The following DNM1L variants were observed in gnomAD, a reference collection of about 807,000 sequenced individuals.
The protein encoded by DNM1L is dynamin-1-like protein.
Under a neutral mutation model 92.8 loss-of-function variants are expected in DNM1L, and 33 were observed. The observed-to-expected ratio is 0.36, with a 90% CI of 0.27 to 0.48. DNM1L has a LOEUF of 0.48. DNM1L is among the 20% of genes least tolerant of loss of function. DNM1L has a pLI of 0.99. For missense variants in DNM1L, 485 were observed against 888.8 expected, an observed-to-expected ratio of 0.55 and a Z score of 5.78; for synonymous variants, 284 against 305.0, an observed-to-expected ratio of 0.93 and a Z score of 0.72.
intron 6 of DNM1L, among the ~76,000 whole-genome samples, chr12:32,715,268 A>G (rs1174596142): frequency 6.6e-6 from 1 of 151,992 alleles, no homozygotes; most frequent in Non-Finnish European, 1.5e-5. Context: ...TTGATTACTA[A>G]TCATAATCTA....
chr12:32,720,737 A>G lies in DNM1L; in HGVS notation c.814A>G (p.Lys272Glu). The G allele has an allele frequency of 6.2e-7, 1 of 1,613,928 alleles. No homozygotes were observed. Among genetic ancestry groups the G allele is most frequent in the East Asian group, 2.2e-5 (1 of 44,828 alleles). ...IRDEYAFLQKKYPSLANRNGT... is the reference protein window; with the variant it reads ...IRDEYAFLQKEYPSLANRNGT... The stretch of plus-strand genomic sequence containing the variant: ...TGATGAGTATGCTTTTCTTCAAAAG[A>G]AATATCCATCTCTGGCCAATAGAAA... Residue 272 changes from lysine (K) to glutamate (E), a missense_variant, in exon 8 of 20, where the codon AAA (lysine) becomes GAA (glutamate). Lys to Glu is a moderately conservative substitution (Grantham distance 56, BLOSUM62 1). Around this residue, in one of 11 missense-constraint regions of DNM1L, gnomAD observed 40 missense variants for 128.7 expected, o/e 0.31. Transcript: ENST00000549701.
At chr12:32,718,619 C>A (rs1953660174) in intron 6 of DNM1L, 24 bp from the exon 7 acceptor site, 1 of 1,612,786 alleles carries the variant, frequency 6.2e-7, no homozygotes, top group South Asian at 1.1e-5. Flanking sequence ...TTTCTTTGCC[C>A]TTTTTTCTTT....
At chr12:32,734,353 TC>T (rs140964715) in intron 13 of DNM1L, among the ~76,000 whole-genome samples, 1,889 of 152,342 alleles carry the variant, frequency 0.012, 35 homozygotes, top group African/African-American at 0.035. Context: ...GCCGCTTTTC[TC>T]CAAAAATAGT....
At chr12:32,707,449 GA>G (rs757153107) in intron 3 of DNM1L, 36 bp downstream of exon 3, 10 of 1,449,398 alleles carry the variant, frequency 6.9e-6, no homozygotes, top group South Asian at 4.0e-5. Flanking sequence ...AAATAATGTT[GA>G]AAAAAATATA....
intron 1 of DNM1L, among the ~76,000 whole-genome samples, 194 bp from the exon 2 acceptor site, chr12:32,701,221 A>T (rs1170470672): frequency 1.3e-5 from 2 of 151,912 alleles, no homozygotes; most frequent in Non-Finnish European, 2.9e-5. Context: ...GGTTGCAGTG[A>T]GCCGAGATCG....
At chr12:32,730,031 G>A (rs555431969) in intron 9 of DNM1L, among the ~76,000 whole-genome samples, 1 of 152,274 alleles carries the variant, frequency 6.6e-6, no homozygotes, top group African/African-American at 2.4e-5. Flanking sequence ...TATTAAACAA[G>A]ATAGGAAACA....
chr12:32,714,599 G>A (rs1361538502), intron 6 of DNM1L, among the ~76,000 whole-genome samples: 1 of 151,976 alleles, frequency 6.6e-6, no homozygotes, highest in Admixed American at 6.6e-5. Context: ...AAGTTTTTAA[G>A]AAACTCTTTT....
At chr12:32,728,006 A>G (rs1954266201) in intron 9 of DNM1L, among the ~76,000 whole-genome samples, 1 of 152,140 alleles carries the variant, frequency 6.6e-6, no homozygotes, top group Non-Finnish European at 1.5e-5. Flanking sequence ...ATTTCTCTAC[A>G]CCCTCATTAG....
At chr12:32,680,452 A>G (rs1452756979) in intron 1 of DNM1L, among the ~76,000 whole-genome samples, 1 of 152,188 alleles carries the variant, frequency 6.6e-6, no homozygotes, top group Non-Finnish European at 1.5e-5. Context: ...TATCAGAAGG[A>G]ACTTACTGTT....
intron 1 of DNM1L, among the ~76,000 whole-genome samples, chr12:32,697,037 TGGCCAACAC>T (rs1182122450): frequency 6.7e-6 from 1 of 149,060 alleles, no homozygotes; most frequent in Non-Finnish European, 1.5e-5. Flanking sequence ...GAGACCAGCC[TGGCCAACAC>T]GGTGAAACCC....
intron 9 of DNM1L, among the ~76,000 whole-genome samples, chr12:32,729,193 C>T (rs947735071): frequency 6.0e-5 from 9 of 149,544 alleles, no homozygotes; most frequent in South Asian, 4.3e-4. Context: ...GTGATTCTCC[C>T]GCTTCAGCCT....
At chr12:32,742,197 T>C (rs1354200088) in intron 18 of DNM1L, among the ~76,000 whole-genome samples, 1 of 152,046 alleles carries the variant, frequency 6.6e-6, no homozygotes, top group Non-Finnish European at 1.5e-5. Flanking sequence ...CTCCACCTCC[T>C]GGGTTCAAGT....
intron 9 of DNM1L, chr12:32,728,788 C>G (rs1954324485): frequency 6.6e-6 from 1 of 152,090 alleles, no homozygotes; most frequent in Non-Finnish European, 1.5e-5. Context: ...AGGAACAAGA[C>G]TGTAGATACG....
chr12:32,688,140 A>T (rs1282309465), intron 1 of DNM1L, among the ~76,000 whole-genome samples: 2 of 151,418 alleles, frequency 1.3e-5, no homozygotes, highest in Admixed American at 1.3e-4. Flanking sequence ...GGCAAGATTG[A>T]TCTCAAACTC....
chr12:32,692,548 C>G (rs10844302), intron 1 of DNM1L: 23,504 of 154,082 alleles, frequency 0.15, 1,908 homozygotes, highest in African/African-American at 0.2. Context: ...GAAATGTCAT[C>G]TTCTATTCCA....
At chr12:32,714,466 G>T (rs1182168596) in intron 6 of DNM1L, among the ~76,000 whole-genome samples, 1 of 151,518 alleles carries the variant, frequency 6.6e-6, no homozygotes, top group Non-Finnish European at 1.5e-5. Flanking sequence ...TAGAGACGGG[G>T]TTTCACCGTG....
At chr12:32,705,000 GT>G (rs35375744) in intron 2 of DNM1L, among the ~76,000 whole-genome samples, 5,121 of 118,850 alleles carry the variant, frequency 0.043, 128 homozygotes, top group African/African-American at 0.099. Flanking sequence ...CTCAGGCAAA[GT>G]TTTTTTTTTT....
intron 13 of DNM1L, among the ~76,000 whole-genome samples, chr12:32,735,863 C>T (rs532201724): frequency 6.6e-6 from 1 of 151,842 alleles, no homozygotes; most frequent in South Asian, 2.1e-4. Context: ...GGCGACAGAG[C>T]GAGACTCCAT....
At chr12:32,724,593 A>AAAATAT (rs1555123432) in intron 9 of DNM1L, among the ~76,000 whole-genome samples, 1 of 66,672 alleles carries the variant, frequency 1.5e-5, no homozygotes, top group East Asian at 4.3e-4. Context: ...AAAAAAAAAA[A>AAAATAT]ATATATATAT....
Sources: allele counts gnomAD v4.1 joint callset (sites outside exome capture counted in the v4.1 genomes callset), GRCh38; gene constraint gnomAD v4.1.1; regional missense constraint gnomAD v4.1.1; transcripts MANE v1.5; gene names NCBI Gene and HGNC (gene_info 2026-07-23, HGNC 2026-07-21).